The following CUX1 variants were observed in gnomAD, a reference collection of about 807,000 sequenced individuals.
CUX1 encodes the protein protein CASP.
A neutral mutation model predicts 158.8 loss-of-function variants in CUX1; 31 were observed. The ratio of observed to expected loss-of-function variants is 0.20; its 90% CI spans 0.15 to 0.26. The LOEUF (loss-of-function observed/expected upper bound fraction) is 0.26, where lower values mean the gene tolerates loss of function less well. CUX1 is among the 10% of genes least tolerant of loss of function. CUX1 has a pLI of 1.00. For synonymous variants in CUX1, 879 were observed against 862.1 expected, an observed-to-expected ratio of 1.02 and a Z score of -0.34; for missense variants, 1,589 against 2,014.6, an observed-to-expected ratio of 0.79 and a Z score of 4.04.
chr7:101,998,831 G>C (rs1221868456), intron 2 of CUX1, among the ~76,000 whole-genome samples: 1 of 152,172 alleles, frequency 6.6e-6, no homozygotes, highest in African/African-American at 2.4e-5. Flanking sequence ...CTCTCTCTTC[G>C]TCGCTTTCTT....
chr7:102,033,883 C>T (rs1283813231), intron 3 of CUX1, among the ~76,000 whole-genome samples: 1 of 152,038 alleles, frequency 6.6e-6, no homozygotes, highest in Non-Finnish European at 1.5e-5. Flanking sequence ...TGGTGGCTTA[C>T]GTCTCTAATC....
At chr7:101,923,458 G>C (rs957529136) in intron 2 of CUX1, among the ~76,000 whole-genome samples, 1 of 152,162 alleles carries the variant, frequency 6.6e-6, no homozygotes, top group Admixed American at 6.5e-5. Context: ...TCCTGGTGAC[G>C]TCAGTCGGCC....
intron 3 of CUX1, among the ~76,000 whole-genome samples, chr7:102,028,821 T>G (rs185871194): frequency 6.6e-6 from 1 of 152,306 alleles, no homozygotes; most frequent in Admixed American, 6.5e-5. Context: ...GATTCAGTGA[T>G]GTTTAGAAAA....
intron 8 of CUX1, among the ~76,000 whole-genome samples, chr7:102,118,739 T>C (rs572280845): frequency 1.9e-3 from 282 of 151,918 alleles, no homozygotes; most frequent in Non-Finnish European, 2.9e-3. Context: ...CTGGGTGGTT[T>C]TTGTTGTTGT....
At chr7:102,000,261 T>G (rs1816529796) in intron 2 of CUX1, among the ~76,000 whole-genome samples, 1 of 152,008 alleles carries the variant, frequency 6.6e-6, no homozygotes, top group Admixed American at 6.5e-5. Flanking sequence ...TTAGCTCTTT[T>G]GGAAAGCAGC....
At chr7:101,982,899 G>A (rs920064635) in intron 2 of CUX1, among the ~76,000 whole-genome samples, 9 of 129,060 alleles carry the variant, frequency 7.0e-5, no homozygotes, top group African/African-American at 2.7e-4. Context: ...AAGCCCCGGT[G>A]TGTGATGTTC....
At chr7:101,942,379 C>T (rs894102139) in intron 2 of CUX1, among the ~76,000 whole-genome samples, 8 of 152,168 alleles carry the variant, frequency 5.3e-5, no homozygotes, top group African/African-American at 1.9e-4. Flanking sequence ...TGTGTCTTTT[C>T]GATCTTACCT....
intron 1 of CUX1, among the ~76,000 whole-genome samples, chr7:101,882,257 A>T (rs1188738296): frequency 6.6e-6 from 1 of 152,182 alleles, no homozygotes; most frequent in Admixed American, 6.5e-5. Context: ...AGCATACCAC[A>T]TAAGTAAGTA....
At chr7:102,231,501 C>T (rs1275804052) in intron 21 of CUX1, among the ~76,000 whole-genome samples, 1 of 151,968 alleles carries the variant, frequency 6.6e-6, no homozygotes, top group Non-Finnish European at 1.5e-5. Context: ...GGGTCTGTAG[C>T]CCCAAAACAA....
In CUX1 at chr7:101,859,859, C is replaced by T. The variant is rs572590497; in HGVS notation, c.30+42190C>T. ...TTTTCTTTGCTTCTTTCCTTCTTTC[C>T]TTTTTCTTTCTTTTCTTTCTTCTCT... On this transcript the variant is annotated intron_variant, in intron 1 of 23. Transcript: ENST00000292535. 3.3e-5 allele frequency among the ~76,000 whole-genome samples: 5 copies of T among 151,008 alleles called. 1 individual carries two copies. In the South Asian group the frequency reaches 6.3e-4, roughly 19 times the overall value.
intron 10 of CUX1, 105 bp from the exon 11 acceptor site, chr7:102,178,364 A>G (rs1223919907): frequency 8.9e-6 from 10 of 1,122,920 alleles, no homozygotes; most frequent in Non-Finnish European, 1.1e-5. Context: ...ATCACCATCC[A>G]CACACTGACA....
intron 11 of CUX1, among the ~76,000 whole-genome samples, chr7:102,179,271 C>G (rs1205181479): frequency 6.6e-6 from 1 of 152,196 alleles, no homozygotes; most frequent in African/African-American, 2.4e-5. Context: ...TGGTCTTGAG[C>G]TCCTGACCTC....
chr7:101,990,101 G>A (rs1365563817), intron 2 of CUX1, among the ~76,000 whole-genome samples: 1 of 152,132 alleles, frequency 6.6e-6, no homozygotes, highest in African/African-American at 2.4e-5. Context: ...GCTCACACCT[G>A]TAATTCCAGC....
intron 2 of CUX1, among the ~76,000 whole-genome samples, chr7:101,921,137 T>C (rs1485738736): frequency 6.6e-6 from 1 of 152,224 alleles, no homozygotes. Context: ...ATTTTTGTAT[T>C]TCTTACTTAA....
intron 3 of CUX1, among the ~76,000 whole-genome samples, chr7:102,037,163 A>G (rs1821531353): frequency 1.3e-5 from 2 of 151,308 alleles, no homozygotes; most frequent in Non-Finnish European, 2.9e-5. Flanking sequence ...CCACTGCACT[A>G]CAGCCTGGCT....
intron 8 of CUX1, among the ~76,000 whole-genome samples, chr7:102,144,240 C>G (rs1834779989): frequency 6.6e-6 from 1 of 152,168 alleles, no homozygotes; most frequent in African/African-American, 2.4e-5. Flanking sequence ...GCACGCTTTA[C>G]AATTAATGAG....
At chr7:102,020,881 GAAA>G (rs398067126) in intron 2 of CUX1, among the ~76,000 whole-genome samples, 2 of 130,570 alleles carry the variant, frequency 1.5e-5, no homozygotes, top group Admixed American at 7.9e-5. Flanking sequence ...ACTCGGTTTG[GAAA>G]AAAAAAAAAA....
chr7:102,243,145 G>A (rs1355934231), intron 23 of CUX1, among the ~76,000 whole-genome samples: 1 of 151,988 alleles, frequency 6.6e-6, no homozygotes, highest in Non-Finnish European at 1.5e-5. Context: ...GTGGTGGGGT[G>A]CGCCTGTAAT....
intron 1 of CUX1, among the ~76,000 whole-genome samples, chr7:101,825,567 G>GTCCCGCAGTTTGTCA (rs1266418512): frequency 6.6e-6 from 1 of 152,158 alleles, no homozygotes; most frequent in Non-Finnish European, 1.5e-5. Flanking sequence ...CTCAGCCCTG[G>GTCCCGCAGTTTGTCA]TCCCGCAGTT....
Sources: gnomAD v4.1 joint callset for allele counts (sites outside exome capture counted in the v4.1 genomes callset) on GRCh38, gnomAD v4.1.1 for gene constraint, MANE v1.5 for transcripts, NCBI Gene and HGNC (gene_info 2026-07-23, HGNC 2026-07-21) for gene names.